PPP2R5E: variants seen among roughly 807,000 people sequenced by gnomAD.
PPP2R5E encodes serine/threonine-protein phosphatase 2A 56 kDa regulatory subunit epsilon isoform.
PPP2R5E carries 4 observed loss-of-function variants against 65.3 expected under a neutral mutation model. That is an observed-to-expected ratio of 0.06 (90% confidence interval 0.03 to 0.14). PPP2R5E has a LOEUF of 0.14. Ranked by LOEUF, PPP2R5E falls within the 10% of genes least tolerant of loss-of-function variation. The pLI is 1.00. For missense variants in PPP2R5E, 274 were observed against 556.1 expected (o/e 0.49, Z 5.10); for synonymous variants, 183 against 187.4 (o/e 0.98, Z 0.19).
At chr14:63,482,637 C>T (rs899391180) in intron 2 of PPP2R5E, among the ~76,000 whole-genome samples, 1 of 152,164 alleles carries the variant, frequency 6.6e-6, no homozygotes, top group Admixed American at 6.5e-5. Context: ...ATCTGGCTGA[C>T]TCCGACATCT....
At chr14:63,391,400 GCTTT>G (rs1204025346) in intron 10 of PPP2R5E, among the ~76,000 whole-genome samples, 1 of 135,300 alleles carries the variant, frequency 7.4e-6, no homozygotes, top group African/African-American at 3.3e-5. Context: ...ATGCAGTTTT[GCTTT>G]GTTTTGTTTT....
chr14:63,533,035 A>AT (rs1405642493), intron 2 of PPP2R5E, among the ~76,000 whole-genome samples: 1 of 151,868 alleles, frequency 6.6e-6, no homozygotes, highest in African/African-American at 2.4e-5. Flanking sequence ...CAGGCCTGCT[A>AT]TGTTGCACAG....
rs117911160 is a variant in PPP2R5E, at chr14:63,385,696, T to C, written c.1075-1125A>G. Among the ~76,000 whole-genome samples, 286 of 152,322 alleles carry C rather than the reference T, an allele frequency of 1.9e-3. 1 individual carries two copies. The highest frequency in any genetic ancestry group is 3.1e-3 in the Non-Finnish European group (213 of 68,028). ...ACCATCCCAGAAGGAGATACCATTG[T>C]GCTCATTTTACAGGTGAGGACACAG... On this transcript the variant is annotated intron_variant, in intron 11 of 13. Transcript: ENST00000337537.
intron 3 of PPP2R5E, among the ~76,000 whole-genome samples, chr14:63,435,531 G>C (rs1220276076): frequency 6.6e-6 from 1 of 152,150 alleles, no homozygotes; most frequent in East Asian, 1.9e-4. Context: ...TTTCTTCATA[G>C]GGTCTGGAGA....
intron 13 of PPP2R5E, among the ~76,000 whole-genome samples, chr14:63,380,266 C>T (rs1006921433): frequency 2.0e-5 from 3 of 152,104 alleles, no homozygotes; most frequent in African/African-American, 7.2e-5. Flanking sequence ...AAAATGTACC[C>T]TTGGCCGTTT....
intron 2 of PPP2R5E, among the ~76,000 whole-genome samples, chr14:63,494,520 C>A (rs1232185756): frequency 1.3e-5 from 2 of 151,248 alleles, no homozygotes; most frequent in African/African-American, 4.9e-5. Flanking sequence ...CAAGCGTGAG[C>A]CACCGCGCCC....
chr14:63,530,484 T>C (rs1255777), intron 2 of PPP2R5E, among the ~76,000 whole-genome samples: 61,388 of 151,450 alleles, frequency 0.41, 15,731 homozygotes, highest in African/African-American at 0.74. Context: ...CTGCCCGCCT[T>C]GGCCTCCCAA....
rs1555354350 is a variant in PPP2R5E at position 63,380,670 on chromosome 14, A to AAC, written c.1304+1385_1304+1386insGT. Reference sequence around the variant, plus strand: ...GAGCAAGACTCCATCTCAAAAAACAAAAAAAAAAAAGTTGTTTAAACTGTG... The same window carrying AAC: ...GAGCAAGACTCCATCTCAAAAAACAAACAAAAAAAAAAGTTGTTTAAACTGTG... On this transcript the variant is annotated intron_variant, in intron 13 of 13. Coordinates refer to ENST00000337537, the MANE Select transcript of PPP2R5E (RefSeq NM_006246.5). 3.4e-5 allele frequency among the ~76,000 whole-genome samples: 5 copies of AAC among 149,040 alleles called. No homozygotes were observed. The East Asian group carries it at 5.9e-4, about 18-fold the overall frequency.
At chr14:63,415,670 T>C (rs756775210) in intron 4 of PPP2R5E, among the ~76,000 whole-genome samples, 45 of 152,294 alleles carry the variant, frequency 3.0e-4, no homozygotes, top group Non-Finnish European at 2.9e-4. Flanking sequence ...AAACAATGTA[T>C]TATGAACAAT....
chr14:63,431,435 AT>A (rs1187845891), intron 3 of PPP2R5E, among the ~76,000 whole-genome samples: 1 of 152,302 alleles, frequency 6.6e-6, no homozygotes, highest in East Asian at 1.9e-4. Context: ...AATAATTATA[AT>A]TTTCAGACAT....
chr14:63,405,287 G>C (rs888533831), intron 5 of PPP2R5E, among the ~76,000 whole-genome samples: 1 of 151,982 alleles, frequency 6.6e-6, no homozygotes, highest in African/African-American at 2.4e-5. Context: ...CAAGGAACTC[G>C]TTTGGAAAAT....
intron 2 of PPP2R5E, among the ~76,000 whole-genome samples, chr14:63,530,538 T>G (rs1223995007): frequency 1.3e-5 from 2 of 151,380 alleles, no homozygotes; most frequent in African/African-American, 4.9e-5. Context: ...TGGCCAGGAT[T>G]AAGCAATTAG....
At chr14:63,474,649 G>C (rs1407752725) in intron 2 of PPP2R5E, among the ~76,000 whole-genome samples, 1 of 127,080 alleles carries the variant, frequency 7.9e-6, no homozygotes, top group Admixed American at 8.5e-5. Context: ...ACTCCAGCCT[G>C]GGCAATAGAG....
intron 3 of PPP2R5E, among the ~76,000 whole-genome samples, chr14:63,445,385 C>A (rs1888426309): frequency 6.6e-6 from 1 of 152,168 alleles, no homozygotes; most frequent in African/African-American, 2.4e-5. Context: ...AATGGATATA[C>A]CTTAAAAATA....
chr14:63,521,845 C>T (rs1892918176), intron 2 of PPP2R5E, among the ~76,000 whole-genome samples: 1 of 152,054 alleles, frequency 6.6e-6, no homozygotes, highest in South Asian at 2.1e-4. Flanking sequence ...GGGAAAACAC[C>T]ACTCCTTCTG....
chr14:63,512,767 T>A (rs996065073), intron 2 of PPP2R5E, among the ~76,000 whole-genome samples: 3 of 152,176 alleles, frequency 2.0e-5, no homozygotes, highest in African/African-American at 7.2e-5. Flanking sequence ...TACTGTAATT[T>A]TGAAAACTAA....
chr14:63,420,616 G>A (rs1010018684), intron 4 of PPP2R5E, among the ~76,000 whole-genome samples: 21 of 152,206 alleles, frequency 1.4e-4, no homozygotes, highest in African/African-American at 4.3e-4. Context: ...TAGCACACGT[G>A]TGTACTTGCA....
chr14:63,521,364 A>G (rs28416584), intron 2 of PPP2R5E, among the ~76,000 whole-genome samples: 1,893 of 152,238 alleles, frequency 0.012, 25 homozygotes, highest in African/African-American at 0.042. Context: ...AAGACGGGTT[A>G]CTATTAAAAA....
At chr14:63,470,669 T>C (rs936604402) in intron 2 of PPP2R5E, among the ~76,000 whole-genome samples, 6 of 151,488 alleles carry the variant, frequency 4.0e-5, no homozygotes, top group Admixed American at 6.6e-5. Flanking sequence ...GAAGACTCTA[T>C]TGACACCTAA....
Sources: gnomAD v4.1 joint callset for allele counts (sites outside exome capture counted in the v4.1 genomes callset) on GRCh38, gnomAD v4.1.1 for gene constraint, MANE v1.5 for transcripts, NCBI Gene and HGNC (gene_info 2026-07-23, HGNC 2026-07-21) for gene names.